The following ZMAT4 variants were observed in gnomAD, a reference collection of about 807,000 sequenced individuals.
The protein encoded by ZMAT4 is zinc finger matrin-type protein 4.
In ZMAT4, 17 loss-of-function variants were observed where a neutral mutation model predicts 28.7. That is an observed-to-expected ratio of 0.59 (90% CI 0.41 to 0.89). The LOEUF is 0.89. Among genes scored for constraint, ZMAT4 ranks in the 40% least tolerant of loss-of-function variants. ZMAT4 has a pLI of 0.00. For synonymous variants in ZMAT4, 117 were observed against 109.2 expected (o/e 1.07, Z -0.44); for missense variants, 240 against 283.8 (o/e 0.85, Z 1.11).
rs913493621 is a variant in ZMAT4, at chr8:40,767,673, C to T, written c.160G>A (p.Gly54Arg). Residue 54 changes from glycine (G) to arginine (R), a missense_variant, in exon 3 of 7, where the codon GGG becomes AGG. Transcript: ENST00000297737. ...GACCGGAGCCTCTTGGCAGGACACC[C>T]TCCATCCCTGGGGTGAAGCATGTAA... ...LYYMLHPRDG[G>R]CPAKRLRSEN... 9 of 1,612,950 alleles carry T rather than the reference C, an allele frequency of 5.6e-6. No individual in the cohort carries two copies. Among genetic ancestry groups the T allele is most frequent in the Admixed American group, 3.3e-5 (2 of 59,730 alleles).
intron 6 of ZMAT4, among the ~76,000 whole-genome samples, chr8:40,558,099 C>A (rs1339764313): frequency 2.0e-5 from 3 of 152,058 alleles, no homozygotes; most frequent in Non-Finnish European, 2.9e-5. Context: ...AGTGTGGCTA[C>A]CTGAAAATCA....
intron 2 of ZMAT4, among the ~76,000 whole-genome samples, chr8:40,795,214 A>G (rs980928821): frequency 2.0e-4 from 30 of 152,124 alleles, no homozygotes; most frequent in African/African-American, 6.5e-4. Context: ...GCATCCGATC[A>G]TTGCAGCTGA....
chr8:40,672,640 A>G (rs975699821), intron 5 of ZMAT4, among the ~76,000 whole-genome samples: 1 of 152,218 alleles, frequency 6.6e-6, no homozygotes, highest in African/African-American at 2.4e-5. Context: ...AATTCAAAAT[A>G]GACAGGAAGA....
intron 3 of ZMAT4, among the ~76,000 whole-genome samples, chr8:40,706,423 A>G (rs746427227): frequency 6.6e-6 from 1 of 152,222 alleles, no homozygotes; most frequent in Non-Finnish European, 1.5e-5. Flanking sequence ...GGATAAATAC[A>G]TAAATAAATT....
At chr8:40,777,743 T>C (rs966982599) in intron 2 of ZMAT4, among the ~76,000 whole-genome samples, 1 of 152,152 alleles carries the variant, frequency 6.6e-6, no homozygotes, top group African/African-American at 2.4e-5. Context: ...GTCCCCACCC[T>C]TATGTGAATG....
chr8:40,745,742 G>A (rs1159888192), intron 3 of ZMAT4, among the ~76,000 whole-genome samples: 3 of 152,066 alleles, frequency 2.0e-5, no homozygotes, highest in South Asian at 4.2e-4. Flanking sequence ...TTTCTCCTAC[G>A]CCTATCTCTA....
intron 3 of ZMAT4, among the ~76,000 whole-genome samples, chr8:40,721,135 C>T (rs1235720951): frequency 8.1e-6 from 1 of 123,500 alleles, no homozygotes; most frequent in South Asian, 3.1e-4. Flanking sequence ...CCCCTCCCCC[C>T]ACCCCACCAC....
chr8:40,786,688 C>A (rs137983074), intron 2 of ZMAT4: 38 of 1,287,922 alleles, frequency 3.0e-5, no homozygotes, highest in Middle Eastern at 2.1e-4. Context: ...TCCCAACTTA[C>A]GGGTCAGAAT....
At chr8:40,815,173 G>T (rs142718082) in intron 2 of ZMAT4, among the ~76,000 whole-genome samples, 2 of 152,160 alleles carry the variant, frequency 1.3e-5, no homozygotes, top group African/African-American at 4.8e-5. Context: ...TACTCGAGTG[G>T]CTGATGCAGG....
intron 6 of ZMAT4, among the ~76,000 whole-genome samples, chr8:40,560,442 G>A (rs1397022034): frequency 6.6e-6 from 1 of 151,778 alleles, no homozygotes; most frequent in Non-Finnish European, 1.5e-5. Context: ...ATCTCAGAAT[G>A]CAGATGAAGC....
intron 1 of ZMAT4, among the ~76,000 whole-genome samples, chr8:40,873,248 T>C (rs1004896541): frequency 6.6e-6 from 1 of 152,224 alleles, no homozygotes; most frequent in Non-Finnish European, 1.5e-5. Flanking sequence ...ATAATGCTAA[T>C]GTTGCTTCCT....
chr8:40,728,591 G>A (rs1038443555), intron 3 of ZMAT4, among the ~76,000 whole-genome samples: 2 of 152,208 alleles, frequency 1.3e-5, no homozygotes, highest in African/African-American at 2.4e-5. Context: ...TCCTACTGCT[G>A]CCAAATGTCT....
chr8:40,589,046 C>T lies in ZMAT4; in HGVS notation c.578-7785G>A, dbSNP rs922554861. Among the ~76,000 whole-genome samples the T allele has an allele frequency of 5.3e-5, 8 of 152,168 alleles. No homozygotes were observed. In the East Asian group the frequency reaches 7.7e-4, roughly 15 times the overall value. On this transcript the variant is annotated intron_variant, in intron 5 of 6. Coordinates refer to ENST00000297737, the MANE Select transcript of ZMAT4 (RefSeq NM_024645.3). ...TGTTTTTGTGTAATTTCTTTCTCTT[C>T]CACTTCTGATACATCCATTAATCAA...
intron 5 of ZMAT4, among the ~76,000 whole-genome samples, chr8:40,664,025 G>A (rs968705301): frequency 1.3e-5 from 2 of 152,192 alleles, no homozygotes; most frequent in Non-Finnish European, 2.9e-5. Context: ...CTGTACCACA[G>A]ACAGTGGAGA....
At chr8:40,641,194 T>C (rs1190010092) in intron 5 of ZMAT4, among the ~76,000 whole-genome samples, 1 of 152,152 alleles carries the variant, frequency 6.6e-6, no homozygotes, top group Non-Finnish European at 1.5e-5. Context: ...GCAGATAAAA[T>C]AATCTATCTG....
chr8:40,609,085 C>T lies in ZMAT4; in HGVS notation c.578-27824G>A, dbSNP rs949386608. The stretch of plus-strand genomic sequence containing the variant: ...GGGAGCTGCAAGTTAGTCCTGCCTC[C>T]TATCTGCCATTTTCTGTCATCAGCA... On this transcript the variant is annotated intron_variant, in intron 5 of 6. Transcript: ENST00000297737. Among the ~76,000 whole-genome samples the T allele has an allele frequency of 3.3e-5, 5 of 152,188 alleles. 1 individual carries two copies. The highest frequency in any genetic ancestry group is 1.2e-4 in the African/African-American group (5 of 41,454).
intron 3 of ZMAT4, among the ~76,000 whole-genome samples, chr8:40,722,440 T>C (rs932998886): frequency 6.6e-6 from 1 of 152,206 alleles, no homozygotes; most frequent in African/African-American, 2.4e-5. Context: ...AGATAAGTAC[T>C]GTATACAATT....
chr8:40,676,781 C>A (rs1808928183), intron 4 of ZMAT4, among the ~76,000 whole-genome samples: 1 of 152,034 alleles, frequency 6.6e-6, no homozygotes, highest in African/African-American at 2.4e-5. Context: ...ACAGTACGCC[C>A]CTTAAAAGAC....
intron 1 of ZMAT4, among the ~76,000 whole-genome samples, chr8:40,828,768 T>C (rs1452457959): frequency 1.3e-5 from 2 of 152,082 alleles, no homozygotes; most frequent in African/African-American, 4.8e-5. Context: ...ATGAGGGCTT[T>C]CCCTCCAGAA....
Sources: allele counts gnomAD v4.1 joint callset (sites outside exome capture counted in the v4.1 genomes callset), GRCh38; gene constraint gnomAD v4.1.1; transcripts MANE v1.5; gene names NCBI Gene and HGNC (gene_info 2026-07-23, HGNC 2026-07-21).